RAPGEF6: variants seen among roughly 807,000 people sequenced by gnomAD.
RAPGEF6 encodes Rap guanine nucleotide exchange factor 6, also known as PDZ domain containing guanine nucleotide exchange factor (GEF) 2.
Under a neutral mutation model 171.4 loss-of-function variants are expected in RAPGEF6, and 56 were observed. The observed-to-expected ratio is 0.33, with a 90% CI of 0.26 to 0.41. The LOEUF (loss-of-function observed/expected upper bound fraction) is 0.41. RAPGEF6 is among the 10% of genes least tolerant of loss of function. RAPGEF6 has a pLI of 1.00. For synonymous variants in RAPGEF6, 692 were observed against 650.1 expected, an observed-to-expected ratio of 1.06 and a Z score of -0.98; for missense variants, 1,674 against 1,921.4, an observed-to-expected ratio of 0.87 and a Z score of 2.41.
At chr5:131,588,341 TG>T (rs1204401969) in intron 4 of RAPGEF6, among the ~76,000 whole-genome samples, 6 of 151,934 alleles carry the variant, frequency 3.9e-5, no homozygotes, top group African/African-American at 1.5e-4. Context: ...AGAGGAAAAA[TG>T]GGTTACTGCA....
chr5:131,562,489 A>C (rs1321672345), intron 4 of RAPGEF6, among the ~76,000 whole-genome samples: 1 of 152,154 alleles, frequency 6.6e-6, no homozygotes, highest in Non-Finnish European at 1.5e-5. Context: ...AAAATAAAAA[A>C]ACTTAAAAAA....
At chr5:131,438,410 G>A (rs1420162796) in intron 24 of RAPGEF6, among the ~76,000 whole-genome samples, 2 of 152,236 alleles carry the variant, frequency 1.3e-5, no homozygotes, top group African/African-American at 4.8e-5. Context: ...GAGCTCTGCA[G>A]AGTGAGATGA....
At chr5:131,465,345 T>C (rs968541251) in intron 17 of RAPGEF6, among the ~76,000 whole-genome samples, 1 of 152,178 alleles carries the variant, frequency 6.6e-6, no homozygotes. Context: ...TTTGTCATTA[T>C]AGAACTCTGG....
At chr5:131,588,236 T>C (rs1763376702) in intron 4 of RAPGEF6, among the ~76,000 whole-genome samples, 3 of 152,108 alleles carry the variant, frequency 2.0e-5, no homozygotes, top group Admixed American at 6.6e-5. Flanking sequence ...AACACAACAA[T>C]GGTTCCACTG....
intron 9 of RAPGEF6, among the ~76,000 whole-genome samples, chr5:131,507,488 T>C (rs1245723692): frequency 1.3e-5 from 2 of 151,998 alleles, no homozygotes; most frequent in African/African-American, 2.4e-5. Flanking sequence ...ATAGGAAAAA[T>C]AATGAAGCAC....
chr5:131,628,676 C>T (rs1218987959), intron 1 of RAPGEF6, among the ~76,000 whole-genome samples: 4 of 152,160 alleles, frequency 2.6e-5, no homozygotes, highest in Non-Finnish European at 5.9e-5. Context: ...GGCTTCAAAG[C>T]TTCAAAGGAC....
At chr5:131,487,039 G>A (rs1755941819) in intron 15 of RAPGEF6, among the ~76,000 whole-genome samples, 1 of 152,078 alleles carries the variant, frequency 6.6e-6, no homozygotes, top group Non-Finnish European at 1.5e-5. Flanking sequence ...TCCAGAGTTG[G>A]TTCCTTCCGG....
chr5:131,544,164 T>C (rs910463439), intron 6 of RAPGEF6, among the ~76,000 whole-genome samples: 5 of 152,178 alleles, frequency 3.3e-5, no homozygotes, highest in African/African-American at 1.2e-4. Context: ...AAGTTAAGCA[T>C]ACATTTGCCA....
intron 1 of RAPGEF6, among the ~76,000 whole-genome samples, chr5:131,605,797 G>A (rs1341542102): frequency 2.6e-5 from 4 of 151,868 alleles, no homozygotes; most frequent in East Asian, 3.9e-4. Flanking sequence ...TTGGGAGGTC[G>A]AGGCGGGCGG....
At chr5:131,534,448 A>C (rs1437994874) in intron 6 of RAPGEF6, among the ~76,000 whole-genome samples, 1 of 152,148 alleles carries the variant, frequency 6.6e-6, no homozygotes, top group Non-Finnish European at 1.5e-5. Context: ...AGCTTTTAAG[A>C]ATGTTTTTCT....
intron 1 of RAPGEF6, among the ~76,000 whole-genome samples, chr5:131,615,966 C>T (rs900521383): frequency 1.3e-5 from 2 of 152,182 alleles, no homozygotes; most frequent in African/African-American, 4.8e-5. Context: ...CATATCCTGA[C>T]ATCCCAGATC....
chr5:131,593,770 T>C (rs1274451818), intron 3 of RAPGEF6, among the ~76,000 whole-genome samples: 1 of 152,214 alleles, frequency 6.6e-6, no homozygotes, highest in East Asian at 1.9e-4. Flanking sequence ...TTAGGGTATC[T>C]GGGAGAAGAA....
At chr5:131,512,925 T>C (rs963767875) in intron 7 of RAPGEF6, among the ~76,000 whole-genome samples, 1 of 152,184 alleles carries the variant, frequency 6.6e-6, no homozygotes, top group African/African-American at 2.4e-5. Flanking sequence ...TCTTTAAACT[T>C]TCCAGCCTCA....
At chr5:131,429,352 T>C (rs1377637651) in intron 26 of RAPGEF6, 136 bp from the exon 27 acceptor site, 5 of 755,740 alleles carry the variant, frequency 6.6e-6, no homozygotes, top group South Asian at 4.3e-5. Flanking sequence ...TGATGGCAGA[T>C]CAAAAACATT....
At chr5:131,475,463 A>T (rs1159431042) in intron 16 of RAPGEF6, among the ~76,000 whole-genome samples, 1 of 152,220 alleles carries the variant, frequency 6.6e-6, no homozygotes, top group Non-Finnish European at 1.5e-5. Flanking sequence ...TAGAATCCCA[A>T]TATTTAAAAA....
In RAPGEF6 at chr5:131,505,236, C is replaced by T. The variant is rs901006944; in HGVS notation, c.1101+128G>A. On this transcript the variant is annotated intron_variant, in intron 10 of 27. Transcript: ENST00000509018. ...TGAGGCAGATACAAAATCTACTTTC[C>T]TTTATTAACTGTGAGCTATTGAAAC... 257 of 899,100 alleles carry T rather than the reference C, an allele frequency of 2.9e-4. 5 individuals are homozygous for T. The South Asian group carries it at 3.9e-3, about 14-fold the overall frequency. 55.7% of individuals were successfully genotyped at this position (899,100 alleles called of 1,614,324 possible).
intron 10 of RAPGEF6, 42 bp downstream of exon 10, chr5:131,505,322 A>G: frequency 1.2e-6 from 2 of 1,601,560 alleles, no homozygotes; most frequent in South Asian, 2.2e-5. Flanking sequence ...CAGCTACTTT[A>G]AACCAACAGA....
At chr5:131,498,651 C>A in intron 11 of RAPGEF6, 44 bp from the exon 12 acceptor site, 2 of 1,551,098 alleles carry the variant, frequency 1.3e-6, no homozygotes, top group Non-Finnish European at 1.8e-6. Flanking sequence ...AAACAAATGA[C>A]CCAAGAACCA....
At chr5:131,567,114 C>T (rs1464374018) in intron 4 of RAPGEF6, among the ~76,000 whole-genome samples, 1 of 151,312 alleles carries the variant, frequency 6.6e-6, no homozygotes, top group Non-Finnish European at 1.5e-5. Context: ...AAAAAAAATC[C>T]TTTGTAATAT....
Sources: gnomAD v4.1 joint callset for allele counts (sites outside exome capture counted in the v4.1 genomes callset) on GRCh38, gnomAD v4.1.1 for gene constraint, MANE v1.5 for transcripts, NCBI Gene and HGNC (gene_info 2026-07-23, HGNC 2026-07-21) for gene names.